HDAC9: variants seen among roughly 807,000 people sequenced by gnomAD.
HDAC9 encodes the protein histone deacetylase 9.
Under a neutral mutation model 139.4 loss-of-function variants are expected in HDAC9, and 41 were observed. The ratio of observed to expected loss-of-function variants is 0.29; its 90% CI spans 0.23 to 0.38. The LOEUF is 0.38. Ranked by LOEUF, HDAC9 falls within the 10% of genes least tolerant of loss-of-function variation. The probability of loss-of-function intolerance (pLI) is 1.00; values close to 1 mark genes in which losing one functional copy is unlikely to be tolerated. For synonymous variants in HDAC9, 517 were observed against 476.2 expected, an observed-to-expected ratio of 1.09 and a Z score of -1.12; for missense variants, 1,147 against 1,297.0, an observed-to-expected ratio of 0.88 and a Z score of 1.78.
At chr7:18,712,645 A>C (rs546446210) in intron 12 of HDAC9, among the ~76,000 whole-genome samples, 1 of 152,308 alleles carries the variant, frequency 6.6e-6, no homozygotes, top group South Asian at 2.1e-4. Flanking sequence ...AGTAAATCCT[A>C]GGTATTGCAG....
intron 21 of HDAC9, among the ~76,000 whole-genome samples, chr7:18,855,827 T>C (rs756697867): frequency 6.6e-6 from 1 of 152,122 alleles, no homozygotes; most frequent in Admixed American, 6.6e-5. Flanking sequence ...CCAGCCTTTA[T>C]GGTACCAAGA....
At chr7:18,903,302 A>T (rs2129282663) in intron 22 of HDAC9, among the ~76,000 whole-genome samples, 1 of 152,386 alleles carries the variant, frequency 6.6e-6, no homozygotes, top group Admixed American at 6.5e-5. Context: ...TGTAAAACAT[A>T]GATGACAACT....
chr7:18,974,906 G>A (rs1784460659), intron 24 of HDAC9, among the ~76,000 whole-genome samples: 1 of 152,068 alleles, frequency 6.6e-6, no homozygotes, highest in Admixed American at 6.6e-5. Context: ...CTCAAACAAG[G>A]CTTTTTCTTC....
chr7:18,388,946 C>G (rs1340523009), intron 1 of HDAC9, among the ~76,000 whole-genome samples: 3 of 152,122 alleles, frequency 2.0e-5, no homozygotes, highest in Non-Finnish European at 4.4e-5. Context: ...TTTGTCTGAA[C>G]TAACCTTTTT....
intron 6 of HDAC9, among the ~76,000 whole-genome samples, chr7:18,598,273 C>A (rs1342030254): frequency 6.6e-6 from 1 of 152,104 alleles, no homozygotes; most frequent in African/African-American, 2.4e-5. Context: ...AAATCTTATT[C>A]AAGATTGACG....
At chr7:18,884,523 A>T (rs149224470) in intron 22 of HDAC9, among the ~76,000 whole-genome samples, 27 of 152,316 alleles carry the variant, frequency 1.8e-4, no homozygotes, top group African/African-American at 6.0e-4. Flanking sequence ...CCCTCGTCTT[A>T]TACCATGTAA....
In HDAC9 at chr7:18,745,438, A is replaced by C. The variant is rs562088153; in HGVS notation, c.1910-3567A>C. On this transcript the variant is annotated intron_variant, in intron 13 of 25. Coordinates refer to ENST00000686413, the MANE Select transcript of HDAC9 (RefSeq NM_178425.4). Reference sequence around the variant, plus strand: ...GTGGATTATGGGGAAAATGTCATTAAAAGGGGGAAACATTACTACAGAGGT... The same window carrying C: ...GTGGATTATGGGGAAAATGTCATTACAAGGGGGAAACATTACTACAGAGGT... Among the ~76,000 whole-genome samples the C allele has an allele frequency of 2.0e-5, 3 of 152,244 alleles. No individual in the cohort carries two copies. The South Asian group carries it at 6.2e-4, about 32-fold the overall frequency.
At chr7:18,538,654 G>T (rs913101122) in intron 2 of HDAC9, among the ~76,000 whole-genome samples, 19 of 152,256 alleles carry the variant, frequency 1.2e-4, no homozygotes, top group Admixed American at 1.2e-3. Context: ...CATGATAGGG[G>T]TATGGATAAA....
intron 2 of HDAC9, among the ~76,000 whole-genome samples, chr7:18,204,332 CTT>C (rs35479287): frequency 6.0e-4 from 69 of 115,954 alleles, no homozygotes; most frequent in South Asian, 4.1e-3. Flanking sequence ...TTGAATCTGC[CTT>C]TTTTTTTTTT....
At chr7:18,524,409 G>A (rs1234128059) in intron 2 of HDAC9, among the ~76,000 whole-genome samples, 2 of 152,036 alleles carry the variant, frequency 1.3e-5, no homozygotes, top group African/African-American at 4.8e-5. Context: ...TTCAGCCATC[G>A]ACTTTGTGAT....
At chr7:18,713,111 T>C (rs1227359450) in intron 12 of HDAC9, among the ~76,000 whole-genome samples, 3 of 152,200 alleles carry the variant, frequency 2.0e-5, no homozygotes, top group African/African-American at 7.2e-5. Flanking sequence ...GCAAGTTGTA[T>C]AGCAGAACAG....
intron 21 of HDAC9, among the ~76,000 whole-genome samples, chr7:18,853,651 G>A (rs968070958): frequency 7.2e-5 from 11 of 152,186 alleles, no homozygotes; most frequent in South Asian, 6.2e-4. Flanking sequence ...TAAGAGTTCA[G>A]CTTTTAATTG....
At chr7:18,758,229 A>C (rs1211558921) in intron 14 of HDAC9, among the ~76,000 whole-genome samples, 2 of 152,204 alleles carry the variant, frequency 1.3e-5, no homozygotes, top group Non-Finnish European at 2.9e-5. Context: ...CCTTATTTGC[A>C]TTGTGTGCCC....
chr7:18,903,035 T>C (rs1424545591), intron 22 of HDAC9, among the ~76,000 whole-genome samples: 1 of 152,222 alleles, frequency 6.6e-6, no homozygotes, highest in African/African-American at 2.4e-5. Context: ...TAGGGGAATA[T>C]GAACAAATAT....
At chr7:18,142,851 C>T (rs1343273254) in intron 1 of HDAC9, among the ~76,000 whole-genome samples, 2 of 152,194 alleles carry the variant, frequency 1.3e-5, no homozygotes, top group Non-Finnish European at 2.9e-5. Flanking sequence ...CTCCCTGCTC[C>T]CAAGTGTGTG....
chr7:18,596,224 G>A (rs555752403), intron 6 of HDAC9, among the ~76,000 whole-genome samples: 1 of 152,164 alleles, frequency 6.6e-6, no homozygotes, highest in African/African-American at 2.4e-5. Context: ...TTCTTGAACA[G>A]CCATTAATAC....
intron 1 of HDAC9, among the ~76,000 whole-genome samples, chr7:18,152,732 C>A (rs115555126): frequency 1.2e-3 from 187 of 152,318 alleles, no homozygotes; most frequent in African/African-American, 4.3e-3. Flanking sequence ...TCAAGCAGAG[C>A]TAACTTGCTC....
intron 10 of HDAC9, 41 bp from the exon 11 acceptor site, chr7:18,648,425 T>C (rs1418243329): frequency 1.5e-6 from 2 of 1,374,934 alleles, no homozygotes; most frequent in South Asian, 2.3e-5. Flanking sequence ...TGTGTGTGTG[T>C]GTGTGTGTAT....
At chr7:18,539,932 C>T (rs776781646) in intron 2 of HDAC9, among the ~76,000 whole-genome samples, 6 of 151,664 alleles carry the variant, frequency 4.0e-5, no homozygotes, top group African/African-American at 9.7e-5. Flanking sequence ...CAATGGGAAG[C>T]ATAAGTACTT....
Sources: allele counts gnomAD v4.1 joint callset (sites outside exome capture counted in the v4.1 genomes callset), GRCh38; gene constraint gnomAD v4.1.1; transcripts MANE v1.5; gene names NCBI Gene and HGNC (gene_info 2026-07-23, HGNC 2026-07-21).